Variants in RRBP1 observed in about 807,000 individuals in gnomAD.
RRBP1 encodes ribosome binding protein 1, also known as ribosome-binding protein 1.
In RRBP1, 94 loss-of-function variants were observed where a neutral mutation model predicts 165.2. The ratio of observed to expected loss-of-function variants is 0.57; its 90% CI spans 0.48 to 0.68. The LOEUF (loss-of-function observed/expected upper bound fraction) is 0.68, where lower values mean the gene tolerates loss of function less well. RRBP1 is among the 30% of genes least tolerant of loss of function. The pLI is 0.00. For synonymous variants in RRBP1, 680 were observed against 714.5 expected (o/e 0.95, Z 0.77); for missense variants, 1,676 against 1,763.0 (o/e 0.95, Z 0.88).
intron 2 of RRBP1, among the ~76,000 whole-genome samples, chr20:17,675,330 G>C (rs546126231): frequency 1.3e-4 from 20 of 152,326 alleles, no homozygotes; most frequent in African/African-American, 4.8e-4. Flanking sequence ...TATACTCGCA[G>C]AACGCCAGTG....
At chr20:17,635,775 C>T (rs548228400) in intron 6 of RRBP1, 111 bp from the exon 7 acceptor site, 12 of 815,716 alleles carry the variant, frequency 1.5e-5, no homozygotes, top group Middle Eastern at 5.0e-4. Flanking sequence ...CCCCAAAAGC[C>T]TCCACCTTTT....
rs756487418 is a variant in RRBP1 at position 17,659,674 on chromosome 20, CT to C, written c.833del (p.Gln278ArgfsTer25). ...TTGGGGCCCCCTCCACCTTTTTCCC[CT>C]GGTTTGGGGTTGTATCTACCTTTTT... ...QGKKVDTTPN[Q>X]GKKVEGAPTQ... On this transcript the variant is annotated frameshift_variant, in exon 3 of 25. Coordinates refer to ENST00000377813, the MANE Select transcript of RRBP1 (RefSeq NM_001365613.2). LOFTEE classifies it high-confidence loss of function. The C allele has an allele frequency of 6.5e-7, 1 of 1,550,252 alleles. No homozygotes were observed. Among genetic ancestry groups the C allele is most frequent in the South Asian group, 1.2e-5 (1 of 84,034 alleles).
intron 8 of RRBP1, among the ~76,000 whole-genome samples, chr20:17,631,479 C>T (rs1600738980): frequency 1.3e-5 from 2 of 152,244 alleles, no homozygotes; most frequent in South Asian, 4.1e-4. Context: ...TGATGGAAAC[C>T]ACGGGCCTCC....
At chr20:17,650,465 T>A (rs2036535105) in intron 3 of RRBP1, among the ~76,000 whole-genome samples, 1 of 152,104 alleles carries the variant, frequency 6.6e-6, no homozygotes, top group Non-Finnish European at 1.5e-5. Context: ...AAGACAGAAG[T>A]GCCATGTCCC....
At chr20:17,681,978 G>A (rs1486180598) in intron 1 of RRBP1, 50 bp downstream of exon 1, 5 of 148,716 alleles carry the variant, frequency 3.4e-5, no homozygotes, top group Non-Finnish European at 7.5e-5. Flanking sequence ...CCGGCCCCCC[G>A]ACGGCCCGGC....
In RRBP1 at chr20:17,641,672, C is replaced by G. The variant is rs1196221273; in HGVS notation, c.2184+125G>C. 1.1e-5 allele frequency: 13 copies of G among 1,205,114 alleles called. No individual in the cohort carries two copies. The East Asian group carries it at 2.4e-4, about 22-fold the overall frequency. The allele number at this position is 1,205,114 out of a possible 1,614,324, so 74.7% of individuals were successfully genotyped here. A position where few individuals can be genotyped will look rare whatever the true frequency, so the allele number is the denominator to read the frequency against. On this transcript the variant is annotated intron_variant, in intron 5 of 24. Transcript: ENST00000377813. ...ATAAGCAGCAGTCCCTACTCAGCAG[C>G]CTGACAGCCAGCTACGTTCCAGGCA... is the stretch of plus-strand genomic sequence containing the variant.
chr20:17,642,835 G>C (rs746633224), intron 4 of RRBP1, 144 bp downstream of exon 4: 1 of 905,010 alleles, frequency 1.1e-6, no homozygotes, highest in East Asian at 2.7e-5. Flanking sequence ...ACCTGCGAGC[G>C]ATCCCTCGGG....
rs764124066 is a variant in RRBP1 at position 17,627,488 on chromosome 20, C to G, written c.2928+16G>C. ...GAGTTCCCTTTCCTCCCCGTGGCCC[C>G]AGGCAGAAGGCTGACCTGGACGTCC... On this transcript the variant is annotated intron_variant, in intron 10 of 24. Coordinates refer to ENST00000377813, the MANE Select transcript of RRBP1 (RefSeq NM_001365613.2). The G allele has an allele frequency of 6.2e-7, 1 of 1,606,334 alleles. No individual in the cohort carries two copies. Among genetic ancestry groups the G allele is most frequent in the Non-Finnish European group, 8.5e-7 (1 of 1,175,174 alleles).
At position 17,640,981 on chromosome 20, in the gene RRBP1, G is replaced by A. The variant is rs576688616; in HGVS notation, c.2184+816C>T. Among the ~76,000 whole-genome samples, 3 of 152,342 alleles carry A rather than the reference G, an allele frequency of 2.0e-5. No individual in the cohort carries two copies. In the East Asian group the frequency reaches 5.8e-4, roughly 29 times the overall value. On this transcript the variant is annotated intron_variant, in intron 5 of 24. Coordinates refer to ENST00000377813, the MANE Select transcript of RRBP1 (RefSeq NM_001365613.2). ...CGGGATGGAGAAGGCAGGGAGGCAG[G>A]GAGAGGGCAAGAGCAAGCCTGCGGT... is the stretch of plus-strand genomic sequence containing the variant.
intron 2 of RRBP1, among the ~76,000 whole-genome samples, chr20:17,678,654 G>A (rs2037125157): frequency 6.6e-6 from 1 of 152,224 alleles, no homozygotes; most frequent in African/African-American, 2.4e-5. Context: ...CTGTGATGGT[G>A]GAAACCATCT....
At chr20:17,645,300 C>T (rs568038811) in intron 3 of RRBP1, among the ~76,000 whole-genome samples, 3 of 152,372 alleles carry the variant, frequency 2.0e-5, no homozygotes, top group East Asian at 1.9e-4. Flanking sequence ...AGAGTGTTCT[C>T]GGAGCGGCAT....
intron 3 of RRBP1, among the ~76,000 whole-genome samples, chr20:17,653,721 C>A (rs2122419039): frequency 6.6e-6 from 1 of 151,918 alleles, no homozygotes; most frequent in African/African-American, 2.4e-5. Context: ...GTAATCCCAG[C>A]TACTTGGGAG....
Position 17,639,403 on chromosome 20 carries a change from C to A in RRBP1, c.2184+2394G>T, listed in dbSNP as rs550890413. Among the ~76,000 whole-genome samples the A allele has an allele frequency of 9.8e-5, 15 of 152,316 alleles. 1 individual carries two copies. In the South Asian group the frequency reaches 3.1e-3, roughly 32 times the overall value. On this transcript the variant is annotated intron_variant, in intron 5 of 24. Transcript: ENST00000377813. ...CCCCAAGAAACAGAATTAATGAAAA[C>A]CCTTTTCAACTATAAAAACTTCTCT...
intron 2 of RRBP1, among the ~76,000 whole-genome samples, chr20:17,662,776 C>T (rs753043817): frequency 3.3e-5 from 5 of 152,178 alleles, no homozygotes; most frequent in African/African-American, 1.2e-4. Context: ...ATGGTACAGT[C>T]AACCCTCACT....
chr20:17,614,210 C>T lies in RRBP1; in HGVS notation c.4205G>A (p.Ser1402Asn), dbSNP rs1316923577. ...QEQLEKAEDGSSSKEGTSV is the reference protein window; with the variant it reads ...QEQLEKAEDGNSSKEGTSV ...GACAGAGGTGCCCTCCTTTGAGCTG[C>T]TGCCGTCCTCCTGTGAACGAAGGCA... Residue 1402 changes from serine to asparagine, a missense_variant, in exon 25 of 25, where the codon AGC becomes AAC. Physicochemically the swap from Ser to Asn is conservative, Grantham distance 46. Transcript: ENST00000377813. 11 of 1,613,630 alleles carry T rather than the reference C, an allele frequency of 6.8e-6. No individual in the cohort carries two copies. In the African/African-American group the frequency reaches 9.3e-5, roughly 14 times the overall value.
intron 3 of RRBP1, among the ~76,000 whole-genome samples, chr20:17,645,486 C>G (rs2036448057): frequency 6.6e-6 from 1 of 152,256 alleles, no homozygotes; most frequent in South Asian, 2.1e-4. Context: ...CTTTGCCACA[C>G]TCATACAAAC....
At chr20:17,680,933 A>G (rs2037169916) in intron 1 of RRBP1, among the ~76,000 whole-genome samples, 1 of 152,090 alleles carries the variant, frequency 6.6e-6, no homozygotes, top group South Asian at 2.1e-4. Context: ...GAGACCCCGA[A>G]CGAAACAACT....
At chr20:17,671,039 T>G (rs1169612685) in intron 2 of RRBP1, among the ~76,000 whole-genome samples, 1 of 152,218 alleles carries the variant, frequency 6.6e-6, no homozygotes. Context: ...TCTTCTCTAC[T>G]TTCCAGGTCA....
intron 3 of RRBP1, among the ~76,000 whole-genome samples, chr20:17,654,610 C>G (rs2036615452): frequency 6.6e-6 from 1 of 152,210 alleles, no homozygotes; most frequent in African/African-American, 2.4e-5. Context: ...GCTGCTTGAG[C>G]ATCATGGAAT....
Sources: allele counts gnomAD v4.1 joint callset (sites outside exome capture counted in the v4.1 genomes callset), GRCh38; gene constraint gnomAD v4.1.1; transcripts MANE v1.5; gene names NCBI Gene and HGNC (gene_info 2026-07-23, HGNC 2026-07-21).